The following AFAP1L2 variants were observed in gnomAD, a reference collection of about 807,000 sequenced individuals.
AFAP1L2 encodes actin filament-associated protein 1-like 2.
In AFAP1L2, 46 loss-of-function variants were observed where a neutral mutation model predicts 99.3. The ratio of observed to expected loss-of-function variants is 0.46; its 90% CI spans 0.37 to 0.59. The LOEUF (loss-of-function observed/expected upper bound fraction) is 0.59. Among genes scored for constraint, AFAP1L2 ranks in the 20% least tolerant of loss-of-function variants. The pLI is 0.00. For missense variants in AFAP1L2, 959 were observed against 1,034.9 expected (o/e 0.93, Z 1.01); for synonymous variants, 397 against 419.1 (o/e 0.95, Z 0.64).
intron 7 of AFAP1L2, 76 bp from the exon 8 acceptor site, chr10:114,310,519 C>T: frequency 1.5e-6 from 2 of 1,365,936 alleles, no homozygotes; most frequent in African/African-American, 1.5e-5. Context: ...AAGCCAGGGC[C>T]CCTGCAGGTC....
intron 1 of AFAP1L2, among the ~76,000 whole-genome samples, chr10:114,349,555 G>GAAAAAAAAAAAAAAAAAAAAAAAAAAAA: frequency 8.1e-6 from 1 of 123,782 alleles, no homozygotes; most frequent in Non-Finnish European, 1.6e-5. Flanking sequence ...TTGTCGCTTG[G>GAAAAAAAAAAAAAAAAAAAAAAAAAAAA]AAAAAAAAAA....
Position 114,331,913 on chromosome 10 carries a change from G to C in AFAP1L2, c.221-16C>G. 1 of 1,288,506 alleles carries C rather than the reference G, an allele frequency of 7.8e-7. No individual in the cohort carries two copies. Among genetic ancestry groups the C allele is most frequent in the Non-Finnish European group, 9.9e-7 (1 of 1,008,830 alleles). 79.8% of individuals were successfully genotyped at this position (1,288,506 alleles called of 1,614,324 possible). On this transcript the variant is annotated splice_polypyrimidine_tract_variant and intron_variant, in intron 3 of 18. Transcript: ENST00000304129. ...TCCTCAGGCGCTGCGGGCAGCAAAA[G>C]GAAAAGGCTTCGGTGAGGGGTGACC...
chr10:114,286,880 T>C, the AFAP1L2 span, among the ~76,000 whole-genome samples: 1 of 152,168 alleles, frequency 6.6e-6, no homozygotes, highest in Admixed American at 6.5e-5. Flanking sequence ...GCTTCCCAGC[T>C]CCTTTGATGG....
chr10:114,394,376 G>A (rs994069017), intron 1 of AFAP1L2, among the ~76,000 whole-genome samples: 2 of 152,194 alleles, frequency 1.3e-5, no homozygotes, highest in Non-Finnish European at 2.9e-5. Flanking sequence ...CCTCCTGGGA[G>A]AAGCCTGAAA....
intron 1 of AFAP1L2, among the ~76,000 whole-genome samples, chr10:114,362,687 G>A (rs770291252): frequency 3.9e-5 from 6 of 152,036 alleles, no homozygotes; most frequent in Non-Finnish European, 8.8e-5. Flanking sequence ...TGGTAGCCCC[G>A]GAAAATTAAT....
In AFAP1L2 at chr10:114,311,338, TGGAAAC is replaced by T. The variant is rs145726606; in HGVS notation, c.793-901_793-896del. Among the ~76,000 whole-genome samples the T allele has an allele frequency of 3.6e-3, 544 of 152,340 alleles. 5 individuals are homozygous for T. The highest frequency in any genetic ancestry group is 0.012 in the African/African-American group (500 of 41,578). On this transcript the variant is annotated intron_variant, in intron 7 of 18. Coordinates refer to ENST00000304129, the MANE Select transcript of AFAP1L2 (RefSeq NM_001001936.3). ...ACACACTACCCACCTGGAAGCCCTT[TGGAAAC>T]GCAGAATTAGTTAGAGTGATTTCAT...
At chr10:114,293,930 A>C (rs10749158), downstream of AFAP1L2, among the ~76,000 whole-genome samples, 3 of 152,104 alleles carry the variant, frequency 2.0e-5, no homozygotes, top group Non-Finnish European at 4.4e-5. Flanking sequence ...TTTTCATCAT[A>C]ATAATTGTTT....
intron 1 of AFAP1L2, among the ~76,000 whole-genome samples, chr10:114,361,476 A>G (rs1207469019): frequency 6.6e-6 from 1 of 152,180 alleles, no homozygotes; most frequent in Non-Finnish European, 1.5e-5. Context: ...ACAGACTCAT[A>G]CCCTGAAGGT....
intron 1 of AFAP1L2, among the ~76,000 whole-genome samples, chr10:114,341,290 C>T (rs1034390719): frequency 8.5e-5 from 13 of 152,176 alleles, no homozygotes; most frequent in Admixed American, 6.5e-5. Context: ...CTTTAAAGTA[C>T]GAATCTGTTC....
At chr10:114,290,743 G>T (rs1242962919), downstream of AFAP1L2, among the ~76,000 whole-genome samples, 1 of 152,216 alleles carries the variant, frequency 6.6e-6, no homozygotes, top group Non-Finnish European at 1.5e-5. Flanking sequence ...GATGTAGACG[G>T]AGGCAGGGAT....
intron 1 of AFAP1L2, among the ~76,000 whole-genome samples, chr10:114,360,547 A>AGATAGGTAGAT (rs1554937915): frequency 3.3e-5 from 5 of 151,874 alleles, no homozygotes; most frequent in African/African-American, 1.2e-4. Flanking sequence ...ATAGATAGAT[A>AGATAGGTAGAT]GATAGATAGA....
intron 1 of AFAP1L2, among the ~76,000 whole-genome samples, chr10:114,354,390 T>A (rs2050995349): frequency 6.6e-6 from 1 of 152,182 alleles, no homozygotes; most frequent in Non-Finnish European, 1.5e-5. Context: ...CTGAACCATA[T>A]CAACTTGAAA....
intron 12 of AFAP1L2, chr10:114,302,031 A>G: frequency 2.9e-6 from 1 of 350,514 alleles, no homozygotes; most frequent in Non-Finnish European, 5.4e-6. Context: ...GGGATTCACC[A>G]GAAGGACAAG....
At chr10:114,298,939 T>C (rs1424243657) in intron 16 of AFAP1L2, among the ~76,000 whole-genome samples, 7 of 152,176 alleles carry the variant, frequency 4.6e-5, no homozygotes, top group Admixed American at 1.3e-4. Context: ...CCTCAAAAGA[T>C]GGGCCAAGGA....
chr10:114,330,964 T>C (rs772668035), intron 4 of AFAP1L2, among the ~76,000 whole-genome samples: 28 of 151,558 alleles, frequency 1.8e-4, no homozygotes, highest in Admixed American at 9.9e-4. Flanking sequence ...TCAGCAGGAG[T>C]CTCTCTCAAG....
intron 4 of AFAP1L2, among the ~76,000 whole-genome samples, chr10:114,327,183 T>TTTA (rs1348579643): frequency 1.5e-5 from 1 of 64,690 alleles, no homozygotes; most frequent in Middle Eastern, 0.013. Context: ...ATTTTTTTTT[T>TTTA]AGGCAGAGTC....
At chr10:114,284,898 A>G in the AFAP1L2 span, 3 of 1,607,254 alleles carry the variant, frequency 1.9e-6, no homozygotes, top group Non-Finnish European at 2.5e-6. Context: ...GAATGGAGGC[A>G]CATGTGTTCC....
At chr10:114,289,055 T>G in the AFAP1L2 span, 4 of 1,614,134 alleles carry the variant, frequency 2.5e-6, no homozygotes, top group Non-Finnish European at 2.5e-6. Flanking sequence ...CAGTTTGAGG[T>G]GAACCCTGAC....
intron 4 of AFAP1L2, 117 bp downstream of exon 4, chr10:114,331,686 T>C: frequency 1.4e-6 from 1 of 715,332 alleles, no homozygotes; most frequent in East Asian, 3.4e-5. Flanking sequence ...TCCCAGTCCC[T>C]GAACACAGTA....
Sources: allele counts gnomAD v4.1 joint callset (sites outside exome capture counted in the v4.1 genomes callset), GRCh38; gene constraint gnomAD v4.1.1; transcripts MANE v1.5; gene names NCBI Gene and HGNC (gene_info 2026-07-23, HGNC 2026-07-21).